GNA11: variants seen among roughly 807,000 people sequenced by gnomAD.
GNA11 encodes G protein subunit alpha 11.
In GNA11, 8 loss-of-function variants were observed where a neutral mutation model predicts 38.2. The ratio of observed to expected loss-of-function variants is 0.21; its 90% CI spans 0.12 to 0.38. GNA11 has a LOEUF of 0.38. Ranked by LOEUF, GNA11 falls within the 10% of genes least tolerant of loss-of-function variation. The pLI is 1.00. For synonymous variants in GNA11, 211 were observed against 221.4 expected (o/e 0.95, Z 0.42); for missense variants, 268 against 516.3 (o/e 0.52, Z 4.66).
Position 3,119,143 on chromosome 19 carries a change from G to A in GNA11, c.736-63G>A, listed in dbSNP as rs1914001949. 1 of 1,602,630 alleles carries A rather than the reference G, an allele frequency of 6.2e-7. No individual in the cohort carries two copies. ...TCCCCTCACCTGGGTCCCCCCAGCT[G>A]CCCCTTGGGCTGTGTGCAGTGGGGA... On this transcript the variant is annotated intron_variant, in intron 5 of 6. Transcript: ENST00000078429. This position sits in a 1 kb window ranked among gnomAD's most constrained non-coding sequence, Gnocchi z 4.6.
intron 1 of GNA11, among the ~76,000 whole-genome samples, chr19:3,106,673 C>T (rs1000703241): frequency 3.3e-5 from 5 of 152,236 alleles, no homozygotes; most frequent in Admixed American, 1.3e-4. Context: ...CAGCTGTGTA[C>T]GGGCTGCATG....
intron 4 of GNA11, chr19:3,118,707 C>T (rs1913986338): frequency 1.9e-6 from 1 of 537,458 alleles, no homozygotes; most frequent in Non-Finnish European, 3.3e-6. Flanking sequence ...GTCTCAGGCC[C>T]CTTTGCCAGT....
intron 1 of GNA11, among the ~76,000 whole-genome samples, chr19:3,101,423 C>T (rs571978960): frequency 1.4e-4 from 22 of 152,074 alleles, no homozygotes; most frequent in African/African-American, 4.1e-4. Context: ...ACTGTGGGGC[C>T]GGGTCCACGC....
rs2145300307 is a variant in GNA11, at chr19:3,094,687, C to T, written c.36C>T (p.Ser12=). 1 of 1,571,942 alleles carries T rather than the reference C, an allele frequency of 6.4e-7. No homozygotes were observed. Among genetic ancestry groups the T allele is most frequent in the Middle Eastern group, 1.9e-4 (1 of 5,294 alleles). ...AGTCCATGATGGCGTGTTGCCTGAG[C>T]GATGAGGTGAAGGAGTCCAAGCGGA... ...TLESMMACCL[S]DEVKESKRIN... The change falls in exon 1 of 7, where the codon AGC becomes AGT. Residue 12 remains serine (S), a synonymous_variant. Transcript: ENST00000078429. The surrounding 1 kb of genome is among the most constrained non-coding windows in gnomAD (Gnocchi z 6.0).
chr19:3,102,657 C>T (rs1428095031), intron 1 of GNA11, among the ~76,000 whole-genome samples: 1 of 152,172 alleles, frequency 6.6e-6, no homozygotes, highest in Admixed American at 6.5e-5. Flanking sequence ...GTCAATCAGG[C>T]GCTGAGGTGC....
chr19:3,097,580 C>T (rs1478501830), intron 1 of GNA11, among the ~76,000 whole-genome samples: 5 of 152,336 alleles, frequency 3.3e-5, no homozygotes, highest in South Asian at 4.1e-4. Context: ...CGCGTCTGCT[C>T]GCTCTCATCC....
chr19:3,120,967 C>T lies in GNA11; in HGVS notation c.890-22C>T, dbSNP rs1199197046. On this transcript the variant is annotated intron_variant, in intron 6 of 6. Coordinates refer to ENST00000078429, the MANE Select transcript of GNA11 (RefSeq NM_002067.5). The surrounding 1 kb of genome is among the most constrained non-coding windows in gnomAD (Gnocchi z 5.9). ...GCCCTGGGCCGGGCTGGGGCACAGC[C>T]TCACCCTCTGCCCTCCCCCAGGTCC... is the stretch of plus-strand genomic sequence containing the variant. 6.3e-7 allele frequency: 1 copy of T among 1,590,626 alleles called. No individual in the cohort carries two copies. The highest frequency in any genetic ancestry group is 8.6e-7 in the Non-Finnish European group (1 of 1,165,480).
At chr19:3,113,151 G>A (rs772911861) in intron 2 of GNA11, among the ~76,000 whole-genome samples, 179 bp from the exon 3 acceptor site, 24 of 152,238 alleles carry the variant, frequency 1.6e-4, no homozygotes, top group African/African-American at 5.1e-4. Context: ...GAACCACACC[G>A]CCAGGCGGCC....
chr19:3,100,443 G>C (rs1913473973), intron 1 of GNA11, among the ~76,000 whole-genome samples: 1 of 152,222 alleles, frequency 6.6e-6, no homozygotes, highest in Non-Finnish European at 1.5e-5. Flanking sequence ...ATGTCATTGA[G>C]CTGTGCAGGT....
intron 1 of GNA11, among the ~76,000 whole-genome samples, chr19:3,099,095 TGTG>T (rs1568278697): frequency 6.6e-6 from 1 of 152,060 alleles, no homozygotes; most frequent in Non-Finnish European, 1.5e-5. Flanking sequence ...TTCTGAGTCT[TGTG>T]GTGGAGCCTG....
At chr19:3,104,279 G>A (rs1011306683) in intron 1 of GNA11, among the ~76,000 whole-genome samples, 1 of 152,254 alleles carries the variant, frequency 6.6e-6, no homozygotes, top group East Asian at 1.9e-4. Flanking sequence ...CCAGATCTTG[G>A]CCAGCGGGTC....
rs2145315571 is a variant in GNA11, at chr19:3,110,237, C to T, written c.225C>T (p.Phe75=). Residue 75 remains phenylalanine, a synonymous_variant, in exon 2 of 7, where the codon TTC becomes TTT. Coordinates refer to ENST00000078429, the MANE Select transcript of GNA11 (RefSeq NM_002067.5). This position sits in a 1 kb window ranked among gnomAD's most constrained non-coding sequence, Gnocchi z 5.4. ...AGYSEEDKRG[F]TKLVYQNIFT... is the part of the protein sequence containing the mutation. Reference sequence around the variant, plus strand: ...ACTCGGAGGAGGACAAGCGCGGCTTCACCAAGCTCGTCTACCAGAACATCT... The same window carrying T: ...ACTCGGAGGAGGACAAGCGCGGCTTTACCAAGCTCGTCTACCAGAACATCT... 1 of 1,614,006 alleles carries T rather than the reference C, an allele frequency of 6.2e-7. No homozygotes were observed. Among genetic ancestry groups the T allele is most frequent in the African/African-American group, 1.3e-5 (1 of 75,052 alleles).
chr19:3,107,483 A>T (rs1913666466), intron 1 of GNA11, among the ~76,000 whole-genome samples: 1 of 152,210 alleles, frequency 6.6e-6, no homozygotes. Context: ...TCCTGCCTGC[A>T]GCATGGGGCC....
chr19:3,109,621 G>A (rs542332261), intron 1 of GNA11, among the ~76,000 whole-genome samples: 1 of 152,322 alleles, frequency 6.6e-6, no homozygotes, highest in East Asian at 1.9e-4. Context: ...TGGTGCGCAG[G>A]GGGCAGTGTG....
intron 1 of GNA11, among the ~76,000 whole-genome samples, chr19:3,105,291 G>C (rs150345288): frequency 7.9e-5 from 12 of 151,978 alleles, no homozygotes; most frequent in Admixed American, 1.3e-4. Context: ...CAGTCAGCTC[G>C]GGCTGCTGTG....
intron 1 of GNA11, among the ~76,000 whole-genome samples, chr19:3,100,120 CCTGGGAT>C (rs59712844): frequency 0.17 from 26,067 of 152,076 alleles, 2,426 homozygotes; most frequent in Non-Finnish European, 0.22. Flanking sequence ...GGGATCCTGC[CCTGGGAT>C]CTGGGATCTG....
At position 3,094,623 on chromosome 19, in the gene GNA11, A is replaced by C; in HGVS notation, c.-29A>C. On this transcript the variant is annotated 5_prime_UTR_variant, in exon 1 of 7. Transcript: ENST00000078429. This position sits in a 1 kb window ranked among gnomAD's most constrained non-coding sequence, Gnocchi z 6.0. ...CGGGGGCCGGGGGGCGGCGGCGGGC[A>C]GGCGGCCGCGTCGGCCGGGGCCGGG... 3 of 1,135,440 alleles carry C rather than the reference A, an allele frequency of 2.6e-6. No individual in the cohort carries two copies. The highest frequency in any genetic ancestry group is 2.2e-6 in the Non-Finnish European group (2 of 905,704). The allele number at this position is 1,135,440 out of a possible 1,614,324, so 70.3% of individuals were successfully genotyped here. A position where few individuals can be genotyped will look rare whatever the true frequency, so the allele number is the denominator to read the frequency against.
chr19:3,098,246 C>G (rs1334671675), intron 1 of GNA11, among the ~76,000 whole-genome samples: 1 of 152,186 alleles, frequency 6.6e-6, no homozygotes, highest in Non-Finnish European at 1.5e-5. Flanking sequence ...ACAGGAGTGG[C>G]AAGCACGTAC....
rs150297893 is a variant in GNA11 at position 3,120,132 on chromosome 19, G to A, written c.889+773G>A. 4.6e-5 allele frequency among the ~76,000 whole-genome samples: 7 copies of A among 152,236 alleles called. No individual in the cohort carries two copies. Among genetic ancestry groups the A allele is most frequent in the South Asian group, 2.1e-4 (1 of 4,824 alleles). On this transcript the variant is annotated intron_variant, in intron 6 of 6. Transcript: ENST00000078429. This position sits in a 1 kb window ranked among gnomAD's most constrained non-coding sequence, Gnocchi z 5.9. ...GATCTGTGCTCCTCCCGTGAGTCTC[G>A]GGTGTCATCTTCGGGAGGGCCCCTC...
Sources: gnomAD v4.1 joint callset for allele counts (sites outside exome capture counted in the v4.1 genomes callset) on GRCh38, gnomAD v4.1.1 for gene constraint, Gnocchi (gnomAD v3.1) non-coding constraint, MANE v1.5 for transcripts, NCBI Gene and HGNC (gene_info 2026-07-23, HGNC 2026-07-21) for gene names.